Variants in VPS13C observed in about 807,000 individuals in gnomAD.
The protein encoded by VPS13C is intermembrane lipid transfer protein VPS13C.
VPS13C carries 358 observed loss-of-function variants against 456.8 expected under a neutral mutation model. The observed-to-expected ratio is 0.78, with a 90% confidence interval of 0.72 to 0.86. The LOEUF (loss-of-function observed/expected upper bound fraction) is 0.86. Among genes scored for constraint, VPS13C ranks in the 40% least tolerant of loss-of-function variants. The probability of loss-of-function intolerance (pLI) is 0.00; values close to 1 mark genes in which losing one functional copy is unlikely to be tolerated. For synonymous variants in VPS13C, 1,578 were observed against 1,486.7 expected (o/e 1.06, Z -1.41); for missense variants, 4,818 against 4,385.4 (o/e 1.10, Z -2.79).
intron 66 of VPS13C, among the ~76,000 whole-genome samples, chr15:61,906,129 G>A (rs1194044824): frequency 6.6e-6 from 1 of 152,116 alleles, no homozygotes; most frequent in East Asian, 1.9e-4. Context: ...AAAGATCTGT[G>A]TAAACCTAGT....
chr15:61,979,536 TAGC>T (rs1189205356), intron 22 of VPS13C, among the ~76,000 whole-genome samples: 1 of 152,144 alleles, frequency 6.6e-6, no homozygotes, highest in African/African-American at 2.4e-5. Context: ...CCAAAGAAAT[TAGC>T]AGTTTACAAA....
At chr15:62,028,104 T>A (rs1000561301) in intron 6 of VPS13C, among the ~76,000 whole-genome samples, 2 of 152,030 alleles carry the variant, frequency 1.3e-5, no homozygotes, top group African/African-American at 4.8e-5. Context: ...GTAAGAACAG[T>A]GAATCATGTT....
At chr15:62,044,733 A>C (rs953122007) in intron 1 of VPS13C, among the ~76,000 whole-genome samples, 2 of 152,146 alleles carry the variant, frequency 1.3e-5, no homozygotes, top group African/African-American at 4.8e-5. Context: ...TGATTACTGT[A>C]TGTGCTTCTA....
Position 61,915,937 on chromosome 15 carries a change from A to G in VPS13C, c.8141T>C (p.Val2714Ala), listed in dbSNP as rs777568154. The change falls in exon 61 of 85, where the codon GTC becomes GCC. Residue 2714 changes from valine (V) to alanine (A), a missense_variant. This residue lies in a region of VPS13C where 4,552 missense variants were observed against 4,130.6 expected (regional missense o/e 1.10). Coordinates refer to ENST00000644861, the MANE Select transcript of VPS13C (RefSeq NM_020821.3). Reference sequence around the variant, plus strand: ...GTTTTTGCCCTGGTATTTCACCAGGACTAATTCCATTATTTCACCACTGAT... The same window carrying G: ...GTTTTTGCCCTGGTATTTCACCAGGGCTAATTCCATTATTTCACCACTGAT... ...SRISGEIMEL[V>A]LVKYQGKNWN... 26 of 1,614,062 alleles carry G rather than the reference A, an allele frequency of 1.6e-5. No individual in the cohort carries two copies. The highest frequency in any genetic ancestry group is 2.1e-5 in the Non-Finnish European group (25 of 1,179,982).
intron 6 of VPS13C, among the ~76,000 whole-genome samples, chr15:62,027,367 G>A (rs1357680354): frequency 6.6e-6 from 1 of 152,104 alleles, no homozygotes; most frequent in Non-Finnish European, 1.5e-5. Flanking sequence ...AAACCAGACA[G>A]TGAGCCATGA....
chr15:61,917,482 T>C lies in VPS13C; in HGVS notation c.7914A>G (p.Ile2638Met), dbSNP rs544731129. The change falls in exon 60 of 85, where the codon ATA becomes ATG. Residue 2638 changes from isoleucine to methionine, a missense_variant. Physicochemically the swap from Ile to Met is conservative, Grantham distance 10 (BLOSUM62 1). Coordinates refer to ENST00000644861, the MANE Select transcript of VPS13C (RefSeq NM_020821.3). ...CATCAGGCAGAGCAACTGTATTCAC[T>C]ATGAGAGGTAAGAAGCTGACTTCTA... Reference protein sequence around the residue: ...PSVEVSFLPLIVNTVALPDEL... With the variant: ...PSVEVSFLPLMVNTVALPDEL... 31 of 1,614,060 alleles carry C rather than the reference T, an allele frequency of 1.9e-5. No homozygotes were observed. In the East Asian group the frequency reaches 5.8e-4, roughly 30 times the overall value.
Position 62,020,513 on chromosome 15 carries a change from G to C in VPS13C, c.650C>G (p.Ser217Ter). 2 of 1,611,618 alleles carry C rather than the reference G, an allele frequency of 1.2e-6. No individual in the cohort carries two copies. The highest frequency in any genetic ancestry group is 1.7e-6 in the Non-Finnish European group (2 of 1,178,514). The change falls in exon 9 of 85, where the codon TCA becomes TGA. Residue 217 changes from serine to a stop codon, truncating the protein, a stop_gained. Transcript: ENST00000644861. LOFTEE classifies it high-confidence loss of function. ...DDVTDPKRPL[S>*]FGVTLGELSL... ...AAGCTCTCCCAGTGTGACACCAAAT[G>C]AAAGAGGCCGCTTTGGATCAGTGAC...
intron 58 of VPS13C, among the ~76,000 whole-genome samples, chr15:61,918,773 A>G (rs972690786): frequency 1.3e-5 from 2 of 152,096 alleles, no homozygotes; most frequent in African/African-American, 2.4e-5. Flanking sequence ...TTTGTTGACC[A>G]TATGCTGAAA....
At chr15:61,999,031 A>G (rs887960113) in intron 16 of VPS13C, among the ~76,000 whole-genome samples, 2 of 152,212 alleles carry the variant, frequency 1.3e-5, no homozygotes, top group Non-Finnish European at 2.9e-5. Flanking sequence ...CTATTTATCA[A>G]TAAGGCTTTT....
At chr15:61,946,762 G>A (rs1035539934) in intron 43 of VPS13C, among the ~76,000 whole-genome samples, 10 of 151,868 alleles carry the variant, frequency 6.6e-5, no homozygotes, top group African/African-American at 2.2e-4. Context: ...GGTCATTTAG[G>A]AAGACAATAT....
chr15:62,029,695 T>C (rs1025158312), intron 5 of VPS13C, among the ~76,000 whole-genome samples: 3 of 151,918 alleles, frequency 2.0e-5, no homozygotes, highest in Non-Finnish European at 2.9e-5. Flanking sequence ...GTCCAAGGAC[T>C]CTCTAATTTT....
chr15:61,883,490 C>G (rs1896030898), intron 68 of VPS13C, among the ~76,000 whole-genome samples: 1 of 152,124 alleles, frequency 6.6e-6, no homozygotes, highest in African/African-American at 2.4e-5. Flanking sequence ...ACCAAACCAT[C>G]AGGCAACAAT....
chr15:62,008,957 C>T (rs927355025), intron 13 of VPS13C, among the ~76,000 whole-genome samples, 196 bp from the exon 14 acceptor site: 1 of 152,074 alleles, frequency 6.6e-6, no homozygotes. Context: ...AAATTTAAGA[C>T]ACTATCAATT....
chr15:61,933,604 T>A (rs910688940), intron 49 of VPS13C, among the ~76,000 whole-genome samples: 2 of 152,042 alleles, frequency 1.3e-5, no homozygotes, highest in Admixed American at 6.6e-5. Flanking sequence ...TATTAATGTA[T>A]GACATAATAT....
At chr15:62,042,897 C>T (rs1438635062) in intron 2 of VPS13C, among the ~76,000 whole-genome samples, 1 of 150,816 alleles carries the variant, frequency 6.6e-6, no homozygotes, top group African/African-American at 2.4e-5. Flanking sequence ...CACATGTACC[C>T]TAGAACTTAA....
intron 31 of VPS13C, 104 bp from the exon 32 acceptor site, chr15:61,964,055 AATT>A (rs2045302497): frequency 1.6e-6 from 1 of 614,136 alleles, no homozygotes; most frequent in South Asian, 3.1e-5. Context: ...TGTTAAAAAA[AATT>A]ATAACATTCT....
At chr15:62,001,497 ATTTG>A (rs2046613564) in intron 15 of VPS13C, among the ~76,000 whole-genome samples, 1 of 151,758 alleles carries the variant, frequency 6.6e-6, no homozygotes, top group Non-Finnish European at 1.5e-5. Context: ...TTTTTTGATT[ATTTG>A]TTTGTTCGTA....
chr15:62,053,466 T>C (rs1023624542), intron 1 of VPS13C, among the ~76,000 whole-genome samples: 2 of 152,298 alleles, frequency 1.3e-5, no homozygotes, highest in East Asian at 1.9e-4. Context: ...TACTCACCAA[T>C]ATCGGGTGAA....
chr15:61,860,551 A>G (rs1433230783), intron 82 of VPS13C, among the ~76,000 whole-genome samples: 1 of 152,202 alleles, frequency 6.6e-6, no homozygotes, highest in Non-Finnish European at 1.5e-5. Flanking sequence ...GATACTAGGG[A>G]AAAAATGTCC....
Sources: gnomAD v4.1 joint callset for allele counts (sites outside exome capture counted in the v4.1 genomes callset) on GRCh38, gnomAD v4.1.1 for gene constraint, gnomAD v4.1.1 regional missense constraint, MANE v1.5 for transcripts, NCBI Gene and HGNC (gene_info 2026-07-23, HGNC 2026-07-21) for gene names.